UVRAG: variants seen among roughly 807,000 people sequenced by gnomAD.
UVRAG encodes UV radiation resistance-associated gene protein.
UVRAG carries 19 observed loss-of-function variants against 78.0 expected under a neutral mutation model. The observed-to-expected ratio is 0.24, with a 90% CI of 0.17 to 0.36. UVRAG has a LOEUF of 0.36. UVRAG is among the 10% of genes least tolerant of loss of function. UVRAG has a pLI of 1.00. For synonymous variants in UVRAG, 323 were observed against 324.6 expected (o/e 1.00, Z 0.05); for missense variants, 740 against 853.8 (o/e 0.87, Z 1.66).
chr11:76,082,047 T>C (rs1432772361), intron 13 of UVRAG, among the ~76,000 whole-genome samples: 1 of 149,506 alleles, frequency 6.7e-6, no homozygotes, highest in Non-Finnish European at 1.5e-5. Flanking sequence ...AAAACAAGGG[T>C]AGTGACTAAC....
chr11:76,102,677 C>T (rs538562842), intron 13 of UVRAG, among the ~76,000 whole-genome samples: 51 of 152,158 alleles, frequency 3.4e-4, no homozygotes, highest in African/African-American at 1.2e-3. Context: ...TCAGCTTTTG[C>T]CCATTAAGTA....
intron 6 of UVRAG, among the ~76,000 whole-genome samples, chr11:75,947,511 A>G (rs1948608704): frequency 6.6e-6 from 1 of 152,236 alleles, no homozygotes; most frequent in South Asian, 2.1e-4. Flanking sequence ...AAAAGCACAC[A>G]GCAACCTGAT....
At chr11:76,005,343 A>C (rs1023668311) in intron 9 of UVRAG, among the ~76,000 whole-genome samples, 1 of 145,396 alleles carries the variant, frequency 6.9e-6, no homozygotes, top group African/African-American at 2.5e-5. Context: ...ACGCCATCTT[A>C]AAAAAAAAAA....
intron 6 of UVRAG, among the ~76,000 whole-genome samples, chr11:75,931,188 A>G (rs1948233379): frequency 1.3e-5 from 2 of 151,326 alleles, no homozygotes; most frequent in South Asian, 2.1e-4. Context: ...TTTTTTCACT[A>G]TGGACCATCA....
chr11:75,989,475 C>G (rs767478159), intron 8 of UVRAG, among the ~76,000 whole-genome samples: 1 of 152,164 alleles, frequency 6.6e-6, no homozygotes, highest in East Asian at 1.9e-4. Flanking sequence ...AATCATTATA[C>G]TAGGCTGCCT....
chr11:76,117,544 A>T (rs956252044), intron 14 of UVRAG, among the ~76,000 whole-genome samples: 3 of 152,252 alleles, frequency 2.0e-5, no homozygotes, highest in African/African-American at 7.2e-5. Flanking sequence ...ATGAAATAAA[A>T]ATCAAAATGT....
intron 12 of UVRAG, among the ~76,000 whole-genome samples, chr11:76,032,690 T>A (rs1257545793): frequency 6.6e-6 from 1 of 152,190 alleles, no homozygotes; most frequent in African/African-American, 2.4e-5. Flanking sequence ...AGAGGCATGC[T>A]TGATGAGATG....
chr11:76,120,978 G>A (rs1429213988), intron 14 of UVRAG, among the ~76,000 whole-genome samples: 1 of 152,190 alleles, frequency 6.6e-6, no homozygotes, highest in Non-Finnish European at 1.5e-5. Context: ...TTCACAGATT[G>A]GTCCCTGTGG....
At chr11:76,061,895 C>T (rs910046458) in intron 12 of UVRAG, among the ~76,000 whole-genome samples, 6 of 152,136 alleles carry the variant, frequency 3.9e-5, no homozygotes, top group African/African-American at 1.4e-4. Context: ...AGATACTATA[C>T]CTCATTGAGT....
intron 4 of UVRAG, among the ~76,000 whole-genome samples, chr11:75,887,478 C>CCCAG (rs1947107011): frequency 8.0e-6 from 1 of 124,670 alleles, no homozygotes; most frequent in Admixed American, 8.5e-5. Context: ...GACGGAGTCT[C>CCCAG]GCTCTGTCTC....
intron 3 of UVRAG, among the ~76,000 whole-genome samples, chr11:75,875,138 T>C (rs1438394877): frequency 6.6e-6 from 1 of 152,258 alleles, no homozygotes; most frequent in Non-Finnish European, 1.5e-5. Context: ...AAAAATTTGC[T>C]GAGCTACTCA....
chr11:75,844,810 A>G (rs1345760449), intron 1 of UVRAG, among the ~76,000 whole-genome samples: 2 of 151,918 alleles, frequency 1.3e-5, no homozygotes, highest in African/African-American at 2.4e-5. Context: ...GGTAGCTGGA[A>G]CTACATTCAT....
At chr11:75,973,298 A>T (rs899175534) in intron 7 of UVRAG, among the ~76,000 whole-genome samples, 1 of 152,300 alleles carries the variant, frequency 6.6e-6, no homozygotes, top group African/African-American at 2.4e-5. Context: ...AATATGTATG[A>T]TCATACCATT....
At chr11:76,048,992 G>A (rs560760432) in intron 12 of UVRAG, among the ~76,000 whole-genome samples, 5 of 152,242 alleles carry the variant, frequency 3.3e-5, no homozygotes, top group South Asian at 2.1e-4. Flanking sequence ...GGATTGGGGC[G>A]CAAGCGCACA....
intron 13 of UVRAG, among the ~76,000 whole-genome samples, chr11:76,091,697 A>G (rs1378264158): frequency 1.3e-5 from 2 of 151,796 alleles, no homozygotes; most frequent in South Asian, 2.1e-4. Context: ...TTATTGTTCT[A>G]TGTGTGTAAT....
intron 6 of UVRAG, among the ~76,000 whole-genome samples, chr11:75,951,578 C>G (rs1029357666): frequency 6.6e-6 from 1 of 152,122 alleles, no homozygotes; most frequent in Admixed American, 6.5e-5. Flanking sequence ...CACAGTGTTT[C>G]TCAATGTTAG....
intron 8 of UVRAG, 78 bp from the exon 9 acceptor site, chr11:76,003,927 G>T (rs1184040993): frequency 1.5e-6 from 2 of 1,306,482 alleles, no homozygotes; most frequent in Non-Finnish European, 2.2e-6. Flanking sequence ...CACAGTCAGG[G>T]ATTTGGCTTG....
chr11:76,095,238 A>G (rs1951767519), intron 13 of UVRAG, among the ~76,000 whole-genome samples: 1 of 152,122 alleles, frequency 6.6e-6, no homozygotes, highest in African/African-American at 2.4e-5. Flanking sequence ...CTTTACTGCC[A>G]ATTCCAGAAG....
intron 6 of UVRAG, among the ~76,000 whole-genome samples, chr11:75,951,983 A>T (rs916768189): frequency 6.6e-6 from 1 of 152,188 alleles, no homozygotes; most frequent in Non-Finnish European, 1.5e-5. Flanking sequence ...GAAATGATAT[A>T]TGTCTCCATT....
Sources: allele counts gnomAD v4.1 joint callset (sites outside exome capture counted in the v4.1 genomes callset), GRCh38; gene constraint gnomAD v4.1.1; transcripts MANE v1.5; gene names NCBI Gene and HGNC (gene_info 2026-07-23, HGNC 2026-07-21).